SPIDR: variants seen among roughly 807,000 people sequenced by gnomAD.
SPIDR encodes the protein scaffold protein involved in DNA repair.
A neutral mutation model predicts 104.6 loss-of-function variants in SPIDR; 93 were observed. That is an observed-to-expected ratio of 0.89 (90% CI 0.75 to 1.06). The LOEUF (loss-of-function observed/expected upper bound fraction) is 1.06, where lower values mean the gene tolerates loss of function less well. SPIDR is among the 50% of genes least tolerant of loss of function. The pLI is 0.00. For missense variants in SPIDR, 1,154 were observed against 1,111.2 expected, an observed-to-expected ratio of 1.04 and a Z score of -0.55; for synonymous variants, 431 against 416.9, an observed-to-expected ratio of 1.03 and a Z score of -0.41.
Position 47,402,580 on chromosome 8 carries a change from C to T in SPIDR, c.777-5281C>T, listed in dbSNP as rs564630105. The stretch of plus-strand genomic sequence containing the variant: ...TCAGAGAATGCTATAAACACCTCTA[C>T]GCAAATAAACTAGAAAATCTAGAAG... On this transcript the variant is annotated intron_variant, in intron 6 of 19. Transcript: ENST00000297423. 1.1e-4 allele frequency among the ~76,000 whole-genome samples: 17 copies of T among 152,224 alleles called. 2 individuals carry two copies. Among genetic ancestry groups the T allele is most frequent in the South Asian group, 6.2e-4 (3 of 4,820 alleles).
At chr8:47,617,607 A>G (rs561136744) in intron 10 of SPIDR, among the ~76,000 whole-genome samples, 34 of 152,182 alleles carry the variant, frequency 2.2e-4, no homozygotes, top group Non-Finnish European at 3.7e-4. Context: ...TTTTGTTGCA[A>G]GTGTTAAATA....
intron 5 of SPIDR, among the ~76,000 whole-genome samples, chr8:47,345,690 G>A (rs2051819422): frequency 6.6e-6 from 1 of 152,170 alleles, no homozygotes; most frequent in Non-Finnish European, 1.5e-5. Context: ...TCCCTTGTAA[G>A]TTGGATTGCT....
At chr8:47,397,224 G>A (rs963777757) in intron 6 of SPIDR, among the ~76,000 whole-genome samples, 2 of 152,132 alleles carry the variant, frequency 1.3e-5, no homozygotes, top group South Asian at 2.1e-4. Context: ...GAGGCCGGGC[G>A]CGGTGGCTCA....
chr8:47,309,946 G>A (rs975107866), intron 5 of SPIDR, among the ~76,000 whole-genome samples: 1 of 151,962 alleles, frequency 6.6e-6, no homozygotes, highest in African/African-American at 2.4e-5. Context: ...GGCTGAGGCA[G>A]GAGAATGGCG....
At chr8:47,563,579 G>T (rs1272655517) in intron 8 of SPIDR, among the ~76,000 whole-genome samples, 1 of 152,154 alleles carries the variant, frequency 6.6e-6, no homozygotes, top group African/African-American at 2.4e-5. Flanking sequence ...GTACCATTGT[G>T]CCCCTATCGA....
Position 47,279,900 on chromosome 8 carries a change from A to G in SPIDR, c.72A>G (p.Pro24=). 6.2e-7 allele frequency: 1 copy of G among 1,613,922 alleles called. No homozygotes were observed. The highest frequency in any genetic ancestry group is 1.1e-5 in the South Asian group (1 of 91,058). Residue 24 remains proline, a synonymous_variant, in exon 2 of 20, where the codon CCA becomes CCG. Transcript: ENST00000297423. ...GGAATACAGAATGCCCATCCTTTCC[A>G]GGAGAAAGACCACTGCAGGTCAGAA... The part of the protein sequence containing the change: ...RSWNTECPSF[P]GERPLQVRRA...
At chr8:47,471,325 CAAAA>C (rs35332610) in intron 8 of SPIDR, among the ~76,000 whole-genome samples, 3 of 110,726 alleles carry the variant, frequency 2.7e-5, no homozygotes, top group Non-Finnish European at 5.4e-5. Flanking sequence ...AATTCAATGT[CAAAA>C]AAAAAAAAAA....
intron 5 of SPIDR, among the ~76,000 whole-genome samples, chr8:47,343,222 T>C (rs1344258454): frequency 1.3e-5 from 2 of 152,086 alleles, no homozygotes; most frequent in Non-Finnish European, 2.9e-5. Context: ...AGATGCAAAA[T>C]AGGAAAACAA....
chr8:47,592,368 A>G (rs2061132520), intron 8 of SPIDR: 5 of 1,261,688 alleles, frequency 4.0e-6, no homozygotes, highest in Non-Finnish European at 5.8e-6. Context: ...ACTTGTCTAC[A>G]TTAGGATGAT....
chr8:47,430,694 C>G (rs1381362375), intron 7 of SPIDR, among the ~76,000 whole-genome samples: 1 of 152,148 alleles, frequency 6.6e-6, no homozygotes, highest in African/African-American at 2.4e-5. Flanking sequence ...TGGATTCTTG[C>G]AGTTTTTCCC....
chr8:47,383,563 C>G (rs1460585384), intron 5 of SPIDR, among the ~76,000 whole-genome samples: 1 of 152,122 alleles, frequency 6.6e-6, no homozygotes, highest in Admixed American at 6.5e-5. Context: ...ACCACTGACC[C>G]CCAGACTCCA....
chr8:47,308,298 G>A (rs2043469485), intron 5 of SPIDR, among the ~76,000 whole-genome samples: 1 of 151,810 alleles, frequency 6.6e-6, no homozygotes, highest in Admixed American at 6.6e-5. Flanking sequence ...CCTGACCTCA[G>A]GTGATCTGCC....
intron 10 of SPIDR, among the ~76,000 whole-genome samples, chr8:47,619,479 T>C (rs916563371): frequency 3.9e-5 from 6 of 152,184 alleles, no homozygotes; most frequent in Non-Finnish European, 5.9e-5. Context: ...CTCTCTCCTA[T>C]CTTGAGCTTG....
chr8:47,369,707 A>C (rs2057728017), intron 5 of SPIDR, among the ~76,000 whole-genome samples: 1 of 152,238 alleles, frequency 6.6e-6, no homozygotes, highest in Non-Finnish European at 1.5e-5. Context: ...TCTGAATGGC[A>C]GTTATGAAGA....
intron 5 of SPIDR, among the ~76,000 whole-genome samples, chr8:47,318,610 G>C (rs201622513): frequency 2.1e-4 from 31 of 150,780 alleles, no homozygotes; most frequent in African/African-American, 7.6e-4. Flanking sequence ...AAAGATACTC[G>C]TCGAGAAGAG....
intron 5 of SPIDR, among the ~76,000 whole-genome samples, chr8:47,298,936 G>A (rs1188543138): frequency 6.4e-4 from 97 of 152,324 alleles, no homozygotes; most frequent in African/African-American, 2.1e-3. Context: ...TGGCAATGCA[G>A]GCTCCTTTTT....
At chr8:47,336,926 A>G (rs782142282) in intron 5 of SPIDR, among the ~76,000 whole-genome samples, 1 of 152,148 alleles carries the variant, frequency 6.6e-6, no homozygotes, top group Non-Finnish European at 1.5e-5. Context: ...CCATATTCTT[A>G]TCAACACAGC....
chr8:47,514,852 T>G (rs1408492936), intron 8 of SPIDR, among the ~76,000 whole-genome samples: 1 of 152,186 alleles, frequency 6.6e-6, no homozygotes, highest in Non-Finnish European at 1.5e-5. Context: ...TCTGACTGCT[T>G]TCAAAGGCTG....
chr8:47,596,780 C>A (rs988672820), intron 9 of SPIDR, among the ~76,000 whole-genome samples: 3 of 152,122 alleles, frequency 2.0e-5, no homozygotes, highest in Non-Finnish European at 2.9e-5. Flanking sequence ...AACACAAATA[C>A]ATTGTACAGC....
Sources: gnomAD v4.1 joint callset for allele counts (sites outside exome capture counted in the v4.1 genomes callset) on GRCh38, gnomAD v4.1.1 for gene constraint, MANE v1.5 for transcripts, NCBI Gene and HGNC (gene_info 2026-07-23, HGNC 2026-07-21) for gene names.